SHANK2: variants seen among roughly 807,000 people sequenced by gnomAD.
SHANK2 encodes the protein SH3 and multiple ankyrin repeat domains protein 2.
In SHANK2, 43 loss-of-function variants were observed where a neutral mutation model predicts 133.7. The ratio of observed to expected loss-of-function variants is 0.32; its 90% CI spans 0.25 to 0.41. SHANK2 has a LOEUF of 0.41. Ranked by LOEUF, SHANK2 falls within the 10% of genes least tolerant of loss-of-function variation. SHANK2 has a pLI of 1.00. For synonymous variants in SHANK2, 1,017 were observed against 952.8 expected (o/e 1.07, Z -1.24); for missense variants, 1,994 against 2,235.8 (o/e 0.89, Z 2.18).
intron 14 of SHANK2, among the ~76,000 whole-genome samples, chr11:70,717,606 C>T (rs1026138114): frequency 1.3e-5 from 2 of 152,154 alleles, no homozygotes; most frequent in Non-Finnish European, 2.9e-5. Flanking sequence ...ACGGTCCTCC[C>T]GTCCCCGCAG....
chr11:70,871,231 G>A lies in SHANK2; in HGVS notation c.1174+25270C>T, dbSNP rs117626097. Reference sequence around the variant, plus strand: ...TGATACTTCAACATATGCATTTGCAGGGACACACTTCAAAGGGGAGTCAGG... The same window carrying A: ...TGATACTTCAACATATGCATTTGCAAGGACACACTTCAAAGGGGAGTCAGG... On this transcript the variant is annotated intron_variant, in intron 11 of 25. Transcript: ENST00000601538. Among the ~76,000 whole-genome samples the A allele has an allele frequency of 1.1e-3, 161 of 152,354 alleles. 1 individual carries two copies. The highest frequency in any genetic ancestry group is 6.3e-3 in the Admixed American group (96 of 15,310).
intron 14 of SHANK2, among the ~76,000 whole-genome samples, chr11:70,741,066 A>T (rs1032073727): frequency 6.6e-6 from 1 of 152,138 alleles, no homozygotes. Context: ...CCATCCATCC[A>T]ATCATCCATC....
chr11:71,169,447 C>T (rs566647074), intron 2 of SHANK2, among the ~76,000 whole-genome samples: 5 of 152,252 alleles, frequency 3.3e-5, no homozygotes, highest in Non-Finnish European at 5.9e-5. Flanking sequence ...CATAAGTCTA[C>T]ACAGAATGTG....
At chr11:70,723,790 G>A (rs927444450) in intron 14 of SHANK2, among the ~76,000 whole-genome samples, 34 of 152,220 alleles carry the variant, frequency 2.2e-4, no homozygotes, top group African/African-American at 7.5e-4. Flanking sequence ...ACCTGAGGAA[G>A]AGGATGTAGA....
chr11:71,184,146 C>T (rs967486774), intron 2 of SHANK2, among the ~76,000 whole-genome samples: 4 of 152,140 alleles, frequency 2.6e-5, no homozygotes, highest in African/African-American at 4.8e-5. Context: ...TTGCCTGGCA[C>T]GGTTCCCAGG....
chr11:71,129,388 A>G (rs1488704980), intron 3 of SHANK2, among the ~76,000 whole-genome samples: 2 of 152,160 alleles, frequency 1.3e-5, no homozygotes, highest in Non-Finnish European at 2.9e-5. Context: ...AGAGTGATAC[A>G]TCTACACCCC....
At chr11:71,153,291 G>GT (rs1952834753) in intron 2 of SHANK2, among the ~76,000 whole-genome samples, 3 of 134,212 alleles carry the variant, frequency 2.2e-5, no homozygotes. Context: ...TCTCGGGCGG[G>GT]TCGGGGGCGG....
chr11:70,732,605 T>G (rs1946313984), intron 14 of SHANK2, among the ~76,000 whole-genome samples: 1 of 152,104 alleles, frequency 6.6e-6, no homozygotes, highest in Non-Finnish European at 1.5e-5. Flanking sequence ...GCGCTGCCCT[T>G]CTTGCTGTTC....
intron 20 of SHANK2, among the ~76,000 whole-genome samples, chr11:70,501,405 C>G (rs1171471340): frequency 6.6e-6 from 1 of 152,248 alleles, no homozygotes; most frequent in East Asian, 1.9e-4. Flanking sequence ...CTCAACCCCC[C>G]AGGCCAGCTG....
At chr11:71,179,872 C>T (rs779232526) in intron 2 of SHANK2, among the ~76,000 whole-genome samples, 14 of 152,212 alleles carry the variant, frequency 9.2e-5, no homozygotes, top group South Asian at 2.1e-4. Context: ...AAAATCTTGG[C>T]GAAAGATGTG....
chr11:70,482,090 AGCAAGG>A (rs1435373709), intron 25 of SHANK2, among the ~76,000 whole-genome samples: 1 of 152,260 alleles, frequency 6.6e-6, no homozygotes, highest in Admixed American at 6.5e-5. Flanking sequence ...AGATCCGAGA[AGCAAGG>A]GCGAGGGAGA....
chr11:70,672,164 A>G (rs1488186033), intron 15 of SHANK2, among the ~76,000 whole-genome samples: 1 of 150,626 alleles, frequency 6.6e-6, no homozygotes, highest in African/African-American at 2.5e-5. Flanking sequence ...CCCGGGTTCA[A>G]GCGATTCTCC....
chr11:70,876,087 T>G (rs1372093157), intron 11 of SHANK2, among the ~76,000 whole-genome samples: 1 of 139,468 alleles, frequency 7.2e-6, no homozygotes, highest in Non-Finnish European at 1.6e-5. Context: ...ACCCGGGAGG[T>G]GGAGGTTGCA....
At chr11:70,933,613 G>A (rs1315239008) in intron 10 of SHANK2, among the ~76,000 whole-genome samples, 1 of 152,148 alleles carries the variant, frequency 6.6e-6, no homozygotes, top group African/African-American at 2.4e-5. Context: ...TGTATTTATT[G>A]TAATTTTTTA....
At chr11:70,580,968 C>A (rs2060177298) in intron 17 of SHANK2, among the ~76,000 whole-genome samples, 1 of 152,224 alleles carries the variant, frequency 6.6e-6, no homozygotes, top group Non-Finnish European at 1.5e-5. Flanking sequence ...CCACCAGGTC[C>A]AGGGGCTCTC....
chr11:70,752,578 C>A (rs911829742), intron 14 of SHANK2, among the ~76,000 whole-genome samples: 1 of 151,516 alleles, frequency 6.6e-6, no homozygotes. Flanking sequence ...AAGTGGCGGG[C>A]GCCTGTAGTC....
At chr11:71,213,997 C>T (rs1471407358) in intron 2 of SHANK2, among the ~76,000 whole-genome samples, 1 of 152,158 alleles carries the variant, frequency 6.6e-6, no homozygotes, top group Non-Finnish European at 1.5e-5. Context: ...ATGAACCACC[C>T]CTGCCCTAAC....
At chr11:70,518,053 A>G (rs1277661775) in intron 17 of SHANK2, among the ~76,000 whole-genome samples, 1 of 152,224 alleles carries the variant, frequency 6.6e-6, no homozygotes, top group African/African-American at 2.4e-5. Context: ...GCTCATTTCT[A>G]CAAGTTTTTA....
chr11:70,524,439 C>A (rs145951607), intron 17 of SHANK2, among the ~76,000 whole-genome samples: 3 of 152,204 alleles, frequency 2.0e-5, no homozygotes, highest in African/African-American at 7.2e-5. Context: ...CGGAGCAAAT[C>A]GGTACAACCC....
Sources: gnomAD v4.1 joint callset for allele counts (sites outside exome capture counted in the v4.1 genomes callset) on GRCh38, gnomAD v4.1.1 for gene constraint, MANE v1.5 for transcripts, NCBI Gene and HGNC (gene_info 2026-07-23, HGNC 2026-07-21) for gene names.